Variants in RPS6KL1 observed in about 807,000 individuals in gnomAD.
The protein encoded by RPS6KL1 is ribosomal protein S6 kinase-like 1.
A neutral mutation model predicts 57.0 loss-of-function variants in RPS6KL1; 41 were observed. The ratio of observed to expected loss-of-function variants is 0.72; its 90% CI spans 0.56 to 0.93. RPS6KL1 has a LOEUF of 0.93. RPS6KL1 is among the 40% of genes least tolerant of loss of function. The pLI is 0.00. For missense variants in RPS6KL1, 697 were observed against 727.7 expected (o/e 0.96, Z 0.49); for synonymous variants, 287 against 309.7 (o/e 0.93, Z 0.77).
chr14:74,916,593 ATTGCT>A (rs1235498226), intron 5 of RPS6KL1, among the ~76,000 whole-genome samples: 1 of 151,988 alleles, frequency 6.6e-6, no homozygotes, highest in Non-Finnish European at 1.5e-5. Context: ...AGGTGCGAGG[ATTGCT>A]TGAGCCTGGT....
At chr14:74,908,710 G>GT in intron 10 of RPS6KL1, 140 bp downstream of exon 10, 1 of 730,448 alleles carries the variant, frequency 1.4e-6, no homozygotes, top group Admixed American at 2.0e-5. Flanking sequence ...GGAGTGCTAA[G>GT]TGTGTCCCTG....
rs983320815 is a variant in RPS6KL1, at chr14:74,918,557, C to T, written c.439G>A (p.Val147Met). The T allele has an allele frequency of 2.9e-5, 44 of 1,534,536 alleles. No individual in the cohort carries two copies. Among genetic ancestry groups the T allele is most frequent in the Non-Finnish European group, 3.3e-5 (38 of 1,146,242 alleles). Residue 147 changes from valine to methionine, a missense_variant, in exon 5 of 12, where the codon GTG becomes ATG. Coordinates refer to ENST00000557413, the MANE Select transcript of RPS6KL1 (RefSeq NM_031464.5). ...LRPIRTLSSA[V>M]EQLRGCRVVG... ...ACCCTGCAGCCCCTCAGCTGCTCCACGGCAGAGCTCAGCGTGCGAATGGGC... is the reference window on the plus strand; with the variant it reads ...ACCCTGCAGCCCCTCAGCTGCTCCATGGCAGAGCTCAGCGTGCGAATGGGC...
chr14:74,911,827 C>T lies in RPS6KL1; in HGVS notation c.498G>A (p.Gln166=). ...CAAAGGTCCCTCCGGTTGCCGGGTC[C>T]TGGACCAGCTGCACCTGCCAAAGTC... ...VGVIEKVQLV[Q]DPATGGTFVV... is the part of the protein sequence containing the mutation. The change falls in exon 6 of 12, where the codon CAG becomes CAA. Residue 166 remains glutamine, a synonymous_variant. Transcript: ENST00000557413. 1 of 1,552,956 alleles carries T rather than the reference C, an allele frequency of 6.4e-7. No individual in the cohort carries two copies. The highest frequency in any genetic ancestry group is 8.7e-7 in the Non-Finnish European group (1 of 1,148,014).
At chr14:74,919,347 C>T (rs940343601) in intron 4 of RPS6KL1, among the ~76,000 whole-genome samples, 1 of 152,236 alleles carries the variant, frequency 6.6e-6, no homozygotes. Context: ...AAGAAGCGTG[C>T]GTGCATTTTC....
chr14:74,918,583 C>G lies in RPS6KL1; in HGVS notation c.413G>C (p.Arg138Pro). The G allele has an allele frequency of 7.8e-6, 12 of 1,534,260 alleles. No homozygotes were observed. The highest frequency in any genetic ancestry group is 9.6e-6 in the Non-Finnish European group (11 of 1,146,054). The change falls in exon 5 of 12, where the codon CGG becomes CCG. Residue 138 changes from arginine to proline, a missense_variant. By Grantham distance (103) the Arg-to-Pro change is moderately radical (BLOSUM62 -2). Transcript: ENST00000557413. ...GGCAGAGCTCAGCGTGCGAATGGGCCGGAGCCTCAGGCTGCTGAAACCCTG... is the reference window on the plus strand; with the variant it reads ...GGCAGAGCTCAGCGTGCGAATGGGCGGGAGCCTCAGGCTGCTGAAACCCTG... ...PSAGFSSLRL[R>P]PIRTLSSAVE... is the part of the protein sequence containing the mutation.
chr14:74,918,534 C>A lies in RPS6KL1; in HGVS notation c.462G>T (p.Arg154Ser), dbSNP rs759792159. The A allele has an allele frequency of 3.9e-6, 6 of 1,534,024 alleles. No individual in the cohort carries two copies. Among genetic ancestry groups the A allele is most frequent in the Admixed American group, 2.0e-5 (1 of 50,652 alleles). The change falls in exon 5 of 12, where the codon AGG (arginine) becomes AGT (serine). Residue 154 changes from arginine to serine, a missense_variant. Arg to Ser is a moderately radical substitution (Grantham distance 110). Transcript: ENST00000557413. ...TCACCTTCTCGATGACCCCGACCAC[C>A]CTGCAGCCCCTCAGCTGCTCCACGG... ...SSAVEQLRGC[R>S]VVGVIEKVQL...
chr14:74,913,886 G>A (rs1344691835), intron 5 of RPS6KL1, among the ~76,000 whole-genome samples: 4 of 152,372 alleles, frequency 2.6e-5, no homozygotes, highest in Admixed American at 2.0e-4. Flanking sequence ...TACATAGGTT[G>A]TTTAATTTTA....
chr14:74,921,214 C>T, intron 3 of RPS6KL1, 63 bp downstream of exon 3: 1 of 1,418,396 alleles, frequency 7.1e-7, no homozygotes, highest in Admixed American at 1.8e-5. Flanking sequence ...AGATGGGTGA[C>T]AGGAAGAGCC....
In RPS6KL1 at chr14:74,906,957, C is replaced by G. The variant is rs1884988505; in HGVS notation, c.*57G>C. On this transcript the variant is annotated 3_prime_UTR_variant, in exon 12 of 12. Transcript: ENST00000557413. ...GGCCAGCCCTGGGTTGGGTGTCAGG[C>G]AAGGAGGAGAGGCGATCCAGACCAG... 7.5e-7 allele frequency: 1 copy of G among 1,339,918 alleles called. No homozygotes were observed. 83.0% of individuals were successfully genotyped at this position (1,339,918 alleles called of 1,614,324 possible). A position where few individuals can be genotyped will look rare whatever the true frequency, so the allele number is the denominator to read the frequency against.
Position 74,916,672 on chromosome 14 carries a change from C to T in RPS6KL1, c.483+1841G>A, listed in dbSNP as rs149412666. On this transcript the variant is annotated intron_variant, in intron 5 of 11. Transcript: ENST00000557413. ...CTCCAGCCTGAGCTACAGAGCGAGA[C>T]CCTGTGTCAAGAAAAAAAAAAAATG... is the stretch of plus-strand genomic sequence containing the variant. Among the ~76,000 whole-genome samples, 11 of 151,494 alleles carry T rather than the reference C, an allele frequency of 7.3e-5. 1 individual carries two copies. Among genetic ancestry groups the T allele is most frequent in the African/African-American group, 2.7e-4 (11 of 41,086 alleles).
chr14:74,911,659 G>T, intron 6 of RPS6KL1, 135 bp downstream of exon 6: 1 of 829,614 alleles, frequency 1.2e-6, no homozygotes, highest in Non-Finnish European at 2.0e-6. Context: ...GGAAAGTGGG[G>T]CATGTTCAGG....
At position 74,921,275 on chromosome 14, in the gene RPS6KL1, A is replaced by G; in HGVS notation, c.265+2T>C. 1 of 1,465,078 alleles carries G rather than the reference A, an allele frequency of 6.8e-7. No homozygotes were observed. Among genetic ancestry groups the G allele is most frequent in the South Asian group, 1.1e-5 (1 of 88,138 alleles). 90.8% of individuals were successfully genotyped at this position (1,465,078 alleles called of 1,614,324 possible). A position where few individuals can be genotyped will look rare whatever the true frequency, so the allele number is the denominator to read the frequency against. On this transcript the variant is annotated splice_donor_variant, in intron 3 of 11. Transcript: ENST00000557413. LOFTEE classifies it high-confidence loss of function. ...CCAGCCCTGCCCAGCCCCGGTCCTC[A>G]CCGTGTATGCCACGGAGCAGCACGT...
At chr14:74,915,001 T>C (rs1321028425) in intron 5 of RPS6KL1, among the ~76,000 whole-genome samples, 1 of 152,220 alleles carries the variant, frequency 6.6e-6, no homozygotes, top group Admixed American at 6.5e-5. Context: ...TGTGAGCCGC[T>C]GCGCCCAGCC....
chr14:74,907,675 G>C lies in RPS6KL1; in HGVS notation c.1444-145C>G, dbSNP rs1594900892. 9 of 753,680 alleles carry C rather than the reference G, an allele frequency of 1.2e-5. No individual in the cohort carries two copies. The East Asian group carries it at 2.2e-4, about 18-fold the overall frequency. The allele number at this position is 753,680 out of a possible 1,614,324, so 46.7% of individuals were successfully genotyped here. A position where few individuals can be genotyped will look rare whatever the true frequency, so the allele number is the denominator to read the frequency against. ...GTTGCTACAGCCAGACACAGTGCCT[G>C]ATGGCTAAGCAGTGCCTTTATGTTA... is the stretch of plus-strand genomic sequence containing the variant. On this transcript the variant is annotated intron_variant, in intron 10 of 11. Coordinates refer to ENST00000557413, the MANE Select transcript of RPS6KL1 (RefSeq NM_031464.5).
Position 74,911,356 on chromosome 14 carries a change from T to C in RPS6KL1, c.556A>G (p.Ser186Gly). 1 of 1,609,182 alleles carries C rather than the reference T, an allele frequency of 6.2e-7. No individual in the cohort carries two copies. Among genetic ancestry groups the C allele is most frequent in the Non-Finnish European group, 8.5e-7 (1 of 1,179,532 alleles). Residue 186 changes from serine (S) to glycine (G), a missense_variant, in exon 7 of 12, where the codon AGC becomes GGC. Transcript: ENST00000557413. ...VKSLPRCHMV[S>G]RERLTIIPHG... The stretch of plus-strand genomic sequence containing the variant: ...GGGATGATGGTCAGCCGCTCCCTGC[T>C]CACCATGTGGCACCTGGGTAGGCTC...
chr14:74,921,179 A>G, intron 3 of RPS6KL1, 98 bp downstream of exon 3: 1 of 1,077,256 alleles, frequency 9.3e-7, no homozygotes, highest in South Asian at 1.4e-5. Context: ...GTGCTCACTC[A>G]GTACAAATGG....
At chr14:74,909,291 A>G (rs1885478404) in intron 8 of RPS6KL1, 101 bp from the exon 9 acceptor site, 2 of 1,233,696 alleles carry the variant, frequency 1.6e-6, no homozygotes, top group African/African-American at 1.5e-5. Context: ...GTAGGAGCCA[A>G]TGGCCTTGCT....
intron 6 of RPS6KL1, 60 bp downstream of exon 6, chr14:74,911,734 C>T: frequency 2.7e-6 from 4 of 1,482,628 alleles, no homozygotes; most frequent in Non-Finnish European, 3.7e-6. Flanking sequence ...TAGGAGTTTC[C>T]AAGAGCCCTG....
At chr14:74,921,238 T>TTCCCCCCCCCCCCCCCCCCCCCCCCCCC in intron 3 of RPS6KL1, 39 bp downstream of exon 3, 9 of 840,128 alleles carry the variant, frequency 1.1e-5, no homozygotes, top group Admixed American at 1.8e-5. Flanking sequence ...CACTGGCCCT[T>TTCCCCCCCCCCCCCCCCCCCCCCCCCCC]CCCCACCCAC....
Sources: gnomAD v4.1 joint callset for allele counts (sites outside exome capture counted in the v4.1 genomes callset) on GRCh38, gnomAD v4.1.1 for gene constraint, MANE v1.5 for transcripts, NCBI Gene and HGNC (gene_info 2026-07-23, HGNC 2026-07-21) for gene names.